Variants in SIK2 observed in about 807,000 individuals in gnomAD.
SIK2 encodes the protein salt inducible kinase 2.
SIK2 carries 29 observed loss-of-function variants against 103.2 expected under a neutral mutation model. The ratio of observed to expected loss-of-function variants is 0.28; its 90% CI spans 0.21 to 0.38. SIK2 has a LOEUF of 0.38. SIK2 is among the 10% of genes least tolerant of loss of function. The pLI is 1.00. For synonymous variants in SIK2, 412 were observed against 446.1 expected (o/e 0.92, Z 0.96); for missense variants, 879 against 1,171.0 (o/e 0.75, Z 3.64).
chr11:111,684,625 G>C (rs1942820995), intron 3 of SIK2, among the ~76,000 whole-genome samples: 1 of 152,162 alleles, frequency 6.6e-6, no homozygotes, highest in Non-Finnish European at 1.5e-5. Flanking sequence ...TTTGCCCAAA[G>C]GTCCGTATTT....
chr11:111,647,312 C>A (rs960087927), intron 3 of SIK2, among the ~76,000 whole-genome samples: 1 of 151,958 alleles, frequency 6.6e-6, no homozygotes, highest in Non-Finnish European at 1.5e-5. Flanking sequence ...GATTGCCTGG[C>A]CAAAGTTTTA....
chr11:111,612,948 T>TATATATATATA (rs1555024123), intron 1 of SIK2, among the ~76,000 whole-genome samples: 49 of 95,704 alleles, frequency 5.1e-4, no homozygotes, highest in African/African-American at 2.0e-3. Context: ...ATATATATAT[T>TATATATATATA]TATGATCATA....
chr11:111,672,837 C>G (rs1307784400), intron 3 of SIK2, among the ~76,000 whole-genome samples: 1 of 152,144 alleles, frequency 6.6e-6, no homozygotes. Context: ...TCTAAACTCT[C>G]TTGATTGGAC....
At chr11:111,665,889 A>C (rs1393184024) in intron 3 of SIK2, among the ~76,000 whole-genome samples, 1 of 152,182 alleles carries the variant, frequency 6.6e-6, no homozygotes, top group African/African-American at 2.4e-5. Flanking sequence ...TTGGAAAAGC[A>C]CTAAACCTAT....
rs557125681 is a variant in SIK2 at position 111,730,619 on chromosome 11, T to C, written c.*6490T>C. ...TTTTTTTTAATTACTAAGAAAAAAA[T>C]TGGTGAGTTCAGTAGCTTTGGTATT... On this transcript the variant is annotated 3_prime_UTR_variant, in exon 15 of 15. Transcript: ENST00000304987. 2.6e-5 allele frequency: 4 copies of C among 152,150 alleles called. No homozygotes were observed. The highest frequency in any genetic ancestry group is 2.1e-4 in the South Asian group (1 of 4,808). The allele number at this position is 152,150 out of a possible 1,614,324, so 9.4% of individuals were successfully genotyped here.
intron 3 of SIK2, among the ~76,000 whole-genome samples, chr11:111,638,808 T>G (rs1015674317): frequency 6.6e-6 from 1 of 152,212 alleles, no homozygotes; most frequent in Admixed American, 6.5e-5. Flanking sequence ...CTATTTCTGT[T>G]GTCCTTCTCC....
At chr11:111,605,822 C>T (rs1333119936) in intron 1 of SIK2, among the ~76,000 whole-genome samples, 1 of 152,152 alleles carries the variant, frequency 6.6e-6, no homozygotes, top group Non-Finnish European at 1.5e-5. Context: ...ATCTATCAAA[C>T]AGTTTAACAT....
At chr11:111,650,151 A>G (rs1942309578) in intron 3 of SIK2, among the ~76,000 whole-genome samples, 1 of 152,084 alleles carries the variant, frequency 6.6e-6, no homozygotes, top group South Asian at 2.1e-4. Context: ...ATACAGCTTA[A>G]TATCCTTAAT....
chr11:111,695,435 G>C (rs1943048968), intron 4 of SIK2, among the ~76,000 whole-genome samples: 1 of 152,092 alleles, frequency 6.6e-6, no homozygotes, highest in Non-Finnish European at 1.5e-5. Context: ...AAAGGACTTA[G>C]TTTAACCTAA....
chr11:111,721,815 C>T lies in SIK2; in HGVS notation c.1945-15C>T, dbSNP rs1300737233. The stretch of plus-strand genomic sequence containing the variant: ...ATGGGGAATTGAAAATTGTTTCCAC[C>T]CCCTTGCTCCTCAGGAAGAAGTTTC... On this transcript the variant is annotated splice_polypyrimidine_tract_variant and intron_variant, in intron 12 of 14. Transcript: ENST00000304987. 5 of 1,584,258 alleles carry T rather than the reference C, an allele frequency of 3.2e-6. No individual in the cohort carries two copies. The highest frequency in any genetic ancestry group is 2.3e-5 in the South Asian group (2 of 86,498).
At chr11:111,623,004 C>T (rs1941913654) in intron 3 of SIK2, among the ~76,000 whole-genome samples, 1 of 152,044 alleles carries the variant, frequency 6.6e-6, no homozygotes, top group African/African-American at 2.4e-5. Context: ...TCTCTTCCAC[C>T]CCCTCTCTTC....
At chr11:111,624,841 T>C (rs1414776589) in intron 3 of SIK2, among the ~76,000 whole-genome samples, 1 of 152,162 alleles carries the variant, frequency 6.6e-6, no homozygotes, top group Non-Finnish European at 1.5e-5. Context: ...TGGGAGTTGA[T>C]TGCAACATTA....
At chr11:111,629,767 G>T (rs568670201) in intron 3 of SIK2, among the ~76,000 whole-genome samples, 1 of 152,224 alleles carries the variant, frequency 6.6e-6, no homozygotes, top group South Asian at 2.1e-4. Flanking sequence ...ACCACAGGGA[G>T]ATATCATTTC....
chr11:111,648,727 T>C (rs1942290138), intron 3 of SIK2, among the ~76,000 whole-genome samples: 1 of 151,514 alleles, frequency 6.6e-6, no homozygotes, highest in Admixed American at 6.6e-5. Flanking sequence ...ATCTATGGAG[T>C]TGGGATTATG....
In SIK2 at chr11:111,724,468, A is replaced by C; in HGVS notation, c.*339A>C. On this transcript the variant is annotated 3_prime_UTR_variant, in exon 15 of 15. Transcript: ENST00000304987. ...TTATGCAGGATTACATCCGTTTATT[A>C]TCAAGGGCAACCTTGGTGAAAGCAG... 1 of 288,666 alleles carries C rather than the reference A, an allele frequency of 3.5e-6. No homozygotes were observed. Among genetic ancestry groups the C allele is most frequent in the Non-Finnish European group, 6.6e-6 (1 of 152,546 alleles). The allele number at this position is 288,666 out of a possible 1,614,324, so 17.9% of individuals were successfully genotyped here. A position where few individuals can be genotyped will look rare whatever the true frequency, so the allele number is the denominator to read the frequency against.
chr11:111,626,938 A>C (rs1196745661), intron 3 of SIK2, among the ~76,000 whole-genome samples: 2 of 152,264 alleles, frequency 1.3e-5, no homozygotes, highest in African/African-American at 4.8e-5. Flanking sequence ...CCATGTGGTC[A>C]GTTAAAAGAG....
At chr11:111,695,405 C>CT (rs1357193138) in intron 4 of SIK2, among the ~76,000 whole-genome samples, 4 of 151,892 alleles carry the variant, frequency 2.6e-5, no homozygotes, top group South Asian at 4.2e-4. Context: ...GTTTTGTGTG[C>CT]TTTTTTCCTG....
At chr11:111,637,155 T>A (rs1942118524) in intron 3 of SIK2, among the ~76,000 whole-genome samples, 1 of 152,022 alleles carries the variant, frequency 6.6e-6, no homozygotes, top group Non-Finnish European at 1.5e-5. Flanking sequence ...ATTTACCATG[T>A]CTTTGTCTTG....
intron 1 of SIK2, among the ~76,000 whole-genome samples, chr11:111,606,610 A>G (rs1486003515): frequency 2.6e-5 from 4 of 152,132 alleles, no homozygotes; most frequent in Non-Finnish European, 5.9e-5. Flanking sequence ...AATATTATGC[A>G]ATTTTCAGTT....
Sources: gnomAD v4.1 joint callset for allele counts (sites outside exome capture counted in the v4.1 genomes callset) on GRCh38, gnomAD v4.1.1 for gene constraint, MANE v1.5 for transcripts, NCBI Gene and HGNC (gene_info 2026-07-23, HGNC 2026-07-21) for gene names.